The following ALK variants were observed in gnomAD, a reference collection of about 807,000 sequenced individuals.
ALK encodes ALK tyrosine kinase receptor.
Under a neutral mutation model 163.1 loss-of-function variants are expected in ALK, and 74 were observed. That is an observed-to-expected ratio of 0.45 (90% confidence interval 0.38 to 0.55). ALK has a LOEUF of 0.55. Ranked by LOEUF, ALK falls within the 20% of genes least tolerant of loss-of-function variation. The pLI is 0.00. For synonymous variants in ALK, 960 were observed against 843.2 expected, an observed-to-expected ratio of 1.14 and a Z score of -2.40; for missense variants, 2,063 against 2,105.3, an observed-to-expected ratio of 0.98 and a Z score of 0.39.
At position 29,859,234 on chromosome 2, in the gene ALK, T is replaced by C. The variant is rs1180622371; in HGVS notation, c.667+60759A>G. 1.3e-5 allele frequency among the ~76,000 whole-genome samples: 2 copies of C among 152,150 alleles called. 1 individual carries two copies. The highest frequency in any genetic ancestry group is 2.9e-5 in the Non-Finnish European group (2 of 68,018). On this transcript the variant is annotated intron_variant, in intron 1 of 28. Transcript: ENST00000389048. ...AGGAACCCTCTCTAGGTGACACTAG[T>C]GGCAAGAAGTTGCTGTGTCTGCAAG... is the stretch of plus-strand genomic sequence containing the variant.
chr2:29,218,042 C>A (rs1669688134), intron 23 of ALK, among the ~76,000 whole-genome samples: 1 of 152,198 alleles, frequency 6.6e-6, no homozygotes, highest in Non-Finnish European at 1.5e-5. Flanking sequence ...CCCCGAGAAT[C>A]CATGCAGGAA....
At chr2:29,653,015 T>C (rs905168490) in intron 3 of ALK, among the ~76,000 whole-genome samples, 3 of 152,106 alleles carry the variant, frequency 2.0e-5, no homozygotes, top group Non-Finnish European at 2.9e-5. Flanking sequence ...TCCTAAGGCT[T>C]GGACTTAAGA....
intron 1 of ALK, among the ~76,000 whole-genome samples, chr2:29,845,929 G>A (rs536252488): frequency 6.6e-6 from 1 of 152,288 alleles, no homozygotes; most frequent in South Asian, 2.1e-4. Context: ...GTAGCACAAT[G>A]CACAACTTTA....
intron 11 of ALK, among the ~76,000 whole-genome samples, chr2:29,271,497 C>T (rs115880099): frequency 0.016 from 2,474 of 152,312 alleles, 63 homozygotes; most frequent in African/African-American, 0.057. Context: ...CTGATGGTAT[C>T]GCCCTTCAAC....
intron 4 of ALK, among the ~76,000 whole-genome samples, chr2:29,525,677 C>T (rs1672939143): frequency 6.6e-6 from 1 of 151,362 alleles, no homozygotes; most frequent in Non-Finnish European, 1.5e-5. Context: ...GTAATCCCAG[C>T]TACTCAGGAG....
chr2:29,708,060 T>C (rs531625766), intron 2 of ALK, among the ~76,000 whole-genome samples: 13 of 152,232 alleles, frequency 8.5e-5, no homozygotes, highest in African/African-American at 3.1e-4. Context: ...ACAGAGGAGA[T>C]TGACTGACTG....
At chr2:29,711,346 G>A (rs1679095922) in intron 2 of ALK, among the ~76,000 whole-genome samples, 2 of 152,148 alleles carry the variant, frequency 1.3e-5, no homozygotes, top group African/African-American at 4.8e-5. Context: ...CAGTTCAGCT[G>A]CCGCAGTCTC....
At chr2:29,831,259 G>GGAAGAAGAAGAAAGAAGAAGAAGAAGAA (rs1665405947) in intron 1 of ALK, among the ~76,000 whole-genome samples, 1 of 28,132 alleles carries the variant, frequency 3.6e-5, no homozygotes, top group African/African-American at 1.1e-4. Context: ...AAGAGGAAGA[G>GGAAGAAGAAGAAAGAAGAAGAAGAAGAA]GAAGAAGAAG....
intron 1 of ALK, among the ~76,000 whole-genome samples, chr2:29,845,465 G>A (rs1347409111): frequency 6.6e-6 from 1 of 151,636 alleles, no homozygotes; most frequent in Non-Finnish European, 1.5e-5. Context: ...ACAGAGTTTT[G>A]CTCGTGTCAC....
intron 4 of ALK, among the ~76,000 whole-genome samples, chr2:29,397,437 C>G (rs1669337858): frequency 6.6e-6 from 1 of 152,218 alleles, no homozygotes; most frequent in Non-Finnish European, 1.5e-5. Context: ...TCTTGGACTT[C>G]TAGCCTCCAG....
rs1055374118 is a variant in ALK, at chr2:29,517,687, A to T, written c.1154+14228T>A. Among the ~76,000 whole-genome samples the T allele has an allele frequency of 2.6e-5, 4 of 152,342 alleles. No individual in the cohort carries two copies. In the East Asian group the frequency reaches 7.7e-4, roughly 29 times the overall value. The stretch of plus-strand genomic sequence containing the variant: ...CTGATGATAAAAGAATTATCTCATC[A>T]AATCACCACATGATTATCAGGATTG... On this transcript the variant is annotated intron_variant, in intron 4 of 28. Coordinates refer to ENST00000389048, the MANE Select transcript of ALK (RefSeq NM_004304.5).
Position 29,193,927 on chromosome 2 carries a change from C to T in ALK, c.4165-5G>A, listed in dbSNP as rs1668958083. On this transcript the variant is annotated splice_region_variant and splice_polypyrimidine_tract_variant and intron_variant, in intron 28 of 28. Transcript: ENST00000389048. The stretch of plus-strand genomic sequence containing the variant: ...GGTGTTGATTACATCCGGGTCCTGC[C>T]GTAGGGGAAATTATTAAAACTTTGA... 4 of 1,613,912 alleles carry T rather than the reference C, an allele frequency of 2.5e-6. No individual in the cohort carries two copies. The highest frequency in any genetic ancestry group is 3.4e-6 in the Non-Finnish European group (4 of 1,179,912).
chr2:29,539,919 G>C (rs1056777254), intron 3 of ALK, among the ~76,000 whole-genome samples: 3 of 152,058 alleles, frequency 2.0e-5, no homozygotes, highest in African/African-American at 7.2e-5. Flanking sequence ...TTCTTTACCT[G>C]ATTTCTCCAG....
At chr2:29,551,719 T>C (rs1281607090) in intron 3 of ALK, among the ~76,000 whole-genome samples, 1 of 152,138 alleles carries the variant, frequency 6.6e-6, no homozygotes, top group Non-Finnish European at 1.5e-5. Context: ...TATATGACTC[T>C]ACACACAGAA....
intron 3 of ALK, among the ~76,000 whole-genome samples, chr2:29,632,358 T>C (rs547329523): frequency 1.3e-5 from 2 of 152,292 alleles, no homozygotes; most frequent in East Asian, 3.9e-4. Context: ...TATGATTGTA[T>C]TTGGAGATAG....
intron 3 of ALK, among the ~76,000 whole-genome samples, chr2:29,564,282 G>T (rs1381422452): frequency 6.6e-6 from 1 of 152,036 alleles, no homozygotes; most frequent in Non-Finnish European, 1.5e-5. Flanking sequence ...CAATCTCAAG[G>T]GGTGACAGGT....
At chr2:29,453,078 G>A (rs1220213537) in intron 4 of ALK, among the ~76,000 whole-genome samples, 1 of 152,154 alleles carries the variant, frequency 6.6e-6, no homozygotes, top group Admixed American at 6.5e-5. Flanking sequence ...AAGATCTGTA[G>A]GATAGCTAAG....
chr2:29,222,771 C>T (rs1012651493), intron 20 of ALK, among the ~76,000 whole-genome samples, 164 bp from the exon 21 acceptor site: 3 of 152,196 alleles, frequency 2.0e-5, no homozygotes, highest in Non-Finnish European at 4.4e-5. Context: ...GCTATGCAAT[C>T]TCGGGCTTCC....
intron 1 of ALK, among the ~76,000 whole-genome samples, chr2:29,872,222 G>T (rs1184088799): frequency 6.6e-6 from 1 of 152,210 alleles, no homozygotes; most frequent in Non-Finnish European, 1.5e-5. Context: ...TGAAGGTGTT[G>T]GGAGTCAAGG....
Sources: gnomAD v4.1 joint callset for allele counts (sites outside exome capture counted in the v4.1 genomes callset) on GRCh38, gnomAD v4.1.1 for gene constraint, MANE v1.5 for transcripts, NCBI Gene and HGNC (gene_info 2026-07-23, HGNC 2026-07-21) for gene names.